Variants in EYA2 observed in about 807,000 individuals in gnomAD.
EYA2 encodes protein phosphatase EYA2.
A neutral mutation model predicts 69.2 loss-of-function variants in EYA2; 31 were observed. The ratio of observed to expected loss-of-function variants is 0.45; its 90% CI spans 0.34 to 0.60. EYA2 has a LOEUF of 0.60. Ranked by LOEUF, EYA2 falls within the 20% of genes least tolerant of loss-of-function variation. The pLI, the probability that EYA2 is intolerant of heterozygous loss-of-function variation, is 0.02. For missense variants in EYA2, 622 were observed against 701.2 expected (o/e 0.89, Z 1.28); for synonymous variants, 257 against 279.4 (o/e 0.92, Z 0.80).
intron 10 of EYA2, among the ~76,000 whole-genome samples, chr20:47,145,867 T>G (rs374089479): frequency 1.1e-4 from 17 of 151,550 alleles, no homozygotes; most frequent in Non-Finnish European, 2.1e-4. Flanking sequence ...AGCCACTGTA[T>G]TCCAGCCTGG....
At chr20:47,168,273 C>T (rs944876512) in intron 10 of EYA2, among the ~76,000 whole-genome samples, 1 of 151,990 alleles carries the variant, frequency 6.6e-6, no homozygotes, top group Non-Finnish European at 1.5e-5. Context: ...CTCACTACAA[C>T]CTCCACTTGC....
chr20:47,130,023 C>T (rs1479440841), intron 9 of EYA2, among the ~76,000 whole-genome samples: 5 of 148,510 alleles, frequency 3.4e-5, no homozygotes, highest in Admixed American at 6.8e-5. Context: ...CCCCCTCCAA[C>T]CCCCACCACG....
At chr20:47,173,121 C>T (rs2034359155) in intron 12 of EYA2, among the ~76,000 whole-genome samples, 1 of 152,052 alleles carries the variant, frequency 6.6e-6, no homozygotes, top group Admixed American at 6.6e-5. Flanking sequence ...GCGGGGTGGA[C>T]GTGGGGGCGG....
intron 1 of EYA2, among the ~76,000 whole-genome samples, chr20:46,987,285 C>T (rs1243379613): frequency 1.3e-5 from 2 of 152,158 alleles, no homozygotes; most frequent in Non-Finnish European, 2.9e-5. Context: ...ATATGAATTT[C>T]GTGTCATTTT....
intron 9 of EYA2, among the ~76,000 whole-genome samples, chr20:47,137,997 G>A (rs1431360558): frequency 6.6e-6 from 1 of 150,682 alleles, no homozygotes; most frequent in African/African-American, 2.5e-5. Context: ...TGTGGGGTGT[G>A]GGGAGGGGGG....
At chr20:47,131,214 G>C (rs2033334101) in intron 9 of EYA2, among the ~76,000 whole-genome samples, 1 of 152,210 alleles carries the variant, frequency 6.6e-6, no homozygotes, top group East Asian at 1.9e-4. Context: ...AAGTCACATG[G>C]GTTGTGGGAC....
intron 1 of EYA2, among the ~76,000 whole-genome samples, chr20:46,915,038 G>A (rs113477002): frequency 1.3e-5 from 2 of 152,208 alleles, no homozygotes; most frequent in Non-Finnish European, 2.9e-5. Flanking sequence ...GCCTCTGTCC[G>A]TGTTTCTGCT....
intron 9 of EYA2, among the ~76,000 whole-genome samples, chr20:47,103,220 C>T (rs1416339157): frequency 6.6e-6 from 1 of 152,132 alleles, no homozygotes; most frequent in South Asian, 2.1e-4. Context: ...ATTTTCATCA[C>T]CCCAAAAAGA....
intron 1 of EYA2, chr20:46,901,655 C>T (rs1317829925): frequency 6.6e-6 from 1 of 152,212 alleles, no homozygotes; most frequent in Non-Finnish European, 1.5e-5. Flanking sequence ...AAACATTGAT[C>T]TCTCCAGCAA....
chr20:47,063,991 C>T (rs2031010933), intron 5 of EYA2, among the ~76,000 whole-genome samples: 1 of 152,194 alleles, frequency 6.6e-6, no homozygotes, highest in Non-Finnish European at 1.5e-5. Flanking sequence ...GTCTCACTCC[C>T]ATTGCCCAGG....
chr20:46,991,689 G>T (rs1030457634), intron 2 of EYA2, among the ~76,000 whole-genome samples: 1 of 152,218 alleles, frequency 6.6e-6, no homozygotes, highest in Non-Finnish European at 1.5e-5. Context: ...CTGAAGGCTG[G>T]CTGGGAGCGG....
intron 6 of EYA2, among the ~76,000 whole-genome samples, chr20:47,072,554 A>G (rs984484349): frequency 1.3e-5 from 2 of 152,204 alleles, no homozygotes; most frequent in Admixed American, 6.5e-5. Flanking sequence ...ATATCAATAC[A>G]AATGGGTGGG....
At chr20:47,155,202 C>T (rs770328834) in intron 10 of EYA2, among the ~76,000 whole-genome samples, 8 of 151,940 alleles carry the variant, frequency 5.3e-5, no homozygotes, top group Admixed American at 5.2e-4. Context: ...TTATTAGATT[C>T]CTCTGCTGTG....
At chr20:47,152,944 AAAAG>A (rs2033852708) in intron 10 of EYA2, among the ~76,000 whole-genome samples, 2 of 151,798 alleles carry the variant, frequency 1.3e-5, no homozygotes, top group African/African-American at 4.8e-5. Flanking sequence ...AAAGAAAAAA[AAAAG>A]AAAGAAACTG....
rs554739359 is a variant in EYA2, at chr20:46,895,540, C to G, written c.-11+553C>G. 2.6e-5 allele frequency among the ~76,000 whole-genome samples: 4 copies of G among 152,340 alleles called. No individual in the cohort carries two copies. In the South Asian group the frequency reaches 8.3e-4, roughly 32 times the overall value. On this transcript the variant is annotated intron_variant, in intron 1 of 15. Transcript: ENST00000327619. ...CGTTTGCGCTCGGCCCGCTCTGGTT[C>G]AGGTCTGGGGCTTTGAACCGGGGCA...
At chr20:47,014,628 A>ATGTGTGTG (rs56005987) in intron 4 of EYA2, among the ~76,000 whole-genome samples, 6,740 of 144,596 alleles carry the variant, frequency 0.047, 173 homozygotes, top group Non-Finnish European at 0.052. Flanking sequence ...TGTGCACAAA[A>ATGTGTGTG]TGTGTGTGTG....
At chr20:47,152,999 G>C (rs1051982009) in intron 10 of EYA2, among the ~76,000 whole-genome samples, 3 of 151,578 alleles carry the variant, frequency 2.0e-5, no homozygotes, top group Admixed American at 2.0e-4. Flanking sequence ...GGAAAGCACT[G>C]TTTGCTTTTA....
intron 1 of EYA2, among the ~76,000 whole-genome samples, chr20:46,962,734 C>T (rs117801467): frequency 0.013 from 2,046 of 152,290 alleles, 17 homozygotes; most frequent in Middle Eastern, 0.031. Flanking sequence ...TACCACGTAA[C>T]AGCAAAGTCT....
rs1488289268 is a variant in EYA2 at position 47,102,963 on chromosome 20, A to G, written c.888+5795A>G. Among the ~76,000 whole-genome samples the G allele has an allele frequency of 3.9e-5, 6 of 152,272 alleles. No individual in the cohort carries two copies. The East Asian group carries it at 1.2e-3, about 29-fold the overall frequency. On this transcript the variant is annotated intron_variant, in intron 9 of 15. Coordinates refer to ENST00000327619, the MANE Select transcript of EYA2 (RefSeq NM_005244.5). ...GTGGCCAGGAAGGGATTCTAAAAGAAATTAGTCAGCTTTCCTCCAGGGATT... is the reference window on the plus strand; with the variant it reads ...GTGGCCAGGAAGGGATTCTAAAAGAGATTAGTCAGCTTTCCTCCAGGGATT...
Sources: gnomAD v4.1 joint callset for allele counts (sites outside exome capture counted in the v4.1 genomes callset) on GRCh38, gnomAD v4.1.1 for gene constraint, MANE v1.5 for transcripts, NCBI Gene and HGNC (gene_info 2026-07-23, HGNC 2026-07-21) for gene names.